ASAP1: variants seen among roughly 807,000 people sequenced by gnomAD.
ASAP1 encodes the protein ArfGAP with SH3 domain, ankyrin repeat and PH domain 1, also known as arf-GAP with SH3 domain, ANK repeat and PH domain-containing protein 1.
A neutral mutation model predicts 145.2 loss-of-function variants in ASAP1; 43 were observed. The observed-to-expected ratio is 0.30, with a 90% CI of 0.23 to 0.38. ASAP1 has a LOEUF of 0.38. Among genes scored for constraint, ASAP1 ranks in the 10% least tolerant of loss-of-function variants. The pLI is 1.00. For synonymous variants in ASAP1, 546 were observed against 515.5 expected (o/e 1.06, Z -0.80); for missense variants, 1,018 against 1,355.3 (o/e 0.75, Z 3.91).
intron 3 of ASAP1, among the ~76,000 whole-genome samples, chr8:130,244,793 G>C (rs192151529): frequency 6.6e-6 from 1 of 152,236 alleles, no homozygotes; most frequent in African/African-American, 2.4e-5. Flanking sequence ...TGCTGTCCTA[G>C]GTCATCTCCA....
chr8:130,393,807 G>A (rs1156437492), intron 2 of ASAP1, among the ~76,000 whole-genome samples: 1 of 152,158 alleles, frequency 6.6e-6, no homozygotes, highest in Non-Finnish European at 1.5e-5. Flanking sequence ...CGTGGCAGAA[G>A]AACATAAATT....
chr8:130,436,472 T>C (rs116741075), intron 1 of ASAP1, among the ~76,000 whole-genome samples: 4,444 of 152,252 alleles, frequency 0.029, 217 homozygotes, highest in African/African-American at 0.096. Flanking sequence ...ATTTTTGTTA[T>C]TTGTTTTTTG....
At chr8:130,106,120 T>C (rs2097536430) in intron 24 of ASAP1, among the ~76,000 whole-genome samples, 1 of 152,086 alleles carries the variant, frequency 6.6e-6, no homozygotes, top group Non-Finnish European at 1.5e-5. Context: ...ACTAGGTGAT[T>C]CACGTGCAAT....
chr8:130,298,918 C>T (rs1328289769), intron 3 of ASAP1, among the ~76,000 whole-genome samples: 1 of 152,132 alleles, frequency 6.6e-6, no homozygotes, highest in East Asian at 1.9e-4. Flanking sequence ...GGTATTAGGG[C>T]GGCAGAAAAC....
rs928846412 is a variant in ASAP1 at position 130,054,779 on chromosome 8, T to C, written c.3342A>G (p.Glu1114=). ...WWIGHIEGQP[E]RKGVFPVSFV... ...AGGACACTGGAAAGACCCCCTTCCT[T>C]TCAGGCTGTCCTTCGATGTGGCCAA... Residue 1114 remains glutamate (E), a synonymous_variant, in exon 30 of 30, where the codon GAA becomes GAG. Coordinates refer to ENST00000518721, the MANE Select transcript of ASAP1 (RefSeq NM_018482.4). 3.1e-6 allele frequency: 5 copies of C among 1,613,518 alleles called. No homozygotes were observed. The Admixed American group carries it at 5.0e-5, about 16-fold the overall frequency.
chr8:130,133,884 G>A (rs540852862), intron 15 of ASAP1, among the ~76,000 whole-genome samples: 1 of 152,252 alleles, frequency 6.6e-6, no homozygotes, highest in South Asian at 2.1e-4. Context: ...GATATGTTTG[G>A]CCACCAAAAA....
At chr8:130,110,030 C>T (rs949641889) in intron 24 of ASAP1, among the ~76,000 whole-genome samples, 2 of 152,178 alleles carry the variant, frequency 1.3e-5, no homozygotes, top group Admixed American at 6.5e-5. Flanking sequence ...AAGTCTCAAA[C>T]ACTTGTTTCA....
Position 130,358,318 on chromosome 8 carries a change from C to G in ASAP1, c.60-175G>C, listed in dbSNP as rs1442489810. On this transcript the variant is annotated intron_variant, in intron 2 of 29. Transcript: ENST00000518721. This position sits in a 1 kb window ranked among gnomAD's most constrained non-coding sequence, Gnocchi z 4.1. ...GGCGAGAGGGAGGGAAGGAGGCGGG[C>G]GAAGGCAGGCGGCGGCGGCGCTGGC... Among the ~76,000 whole-genome samples, 1 of 149,558 alleles carries G rather than the reference C, an allele frequency of 6.7e-6. No individual in the cohort carries two copies. The highest frequency in any genetic ancestry group is 2.0e-4 in the East Asian group (1 of 5,114).
At chr8:130,180,638 T>C in intron 8 of ASAP1, 113 bp downstream of exon 8, 3 of 1,274,400 alleles carry the variant, frequency 2.4e-6, no homozygotes, top group Non-Finnish European at 3.2e-6. Context: ...AAGAAACAGT[T>C]TCCTCTCTAA....
intron 3 of ASAP1, among the ~76,000 whole-genome samples, chr8:130,340,563 G>C (rs1158941048): frequency 1.3e-5 from 2 of 152,170 alleles, no homozygotes; most frequent in Non-Finnish European, 2.9e-5. Context: ...TAAAATGTGT[G>C]TGTATACTTA....
chr8:130,136,200 G>T (rs1231531822), intron 14 of ASAP1, among the ~76,000 whole-genome samples: 1 of 152,084 alleles, frequency 6.6e-6, no homozygotes, highest in Non-Finnish European at 1.5e-5. Context: ...ACACCCATAG[G>T]AATCAGTACA....
At chr8:130,429,180 T>G (rs1830053125) in intron 1 of ASAP1, among the ~76,000 whole-genome samples, 1 of 152,208 alleles carries the variant, frequency 6.6e-6, no homozygotes, top group Non-Finnish European at 1.5e-5. Context: ...CCTAATGACT[T>G]CATTTTAATT....
chr8:130,267,127 A>C (rs12155939), intron 3 of ASAP1, among the ~76,000 whole-genome samples: 3,256 of 151,042 alleles, frequency 0.022, 69 homozygotes, highest in Admixed American at 0.064. Flanking sequence ...AACAAACAAA[A>C]AAAAAACAAA....
intron 25 of ASAP1, 69 bp downstream of exon 25, chr8:130,091,904 C>T: frequency 7.0e-7 from 1 of 1,433,890 alleles, no homozygotes; most frequent in African/African-American, 1.5e-5. Context: ...GCTAACAGGC[C>T]ACTGCCCAGT....
chr8:130,137,139 C>A (rs2097596784), intron 13 of ASAP1, 101 bp from the exon 14 acceptor site: 2 of 916,400 alleles, frequency 2.2e-6, no homozygotes, highest in South Asian at 1.4e-5. Context: ...AAGGCCTGCT[C>A]AGTGGTACAA....
intron 25 of ASAP1, among the ~76,000 whole-genome samples, chr8:130,088,930 T>G (rs1317114631): frequency 6.6e-6 from 1 of 152,230 alleles, no homozygotes; most frequent in South Asian, 2.1e-4. Flanking sequence ...TCAAAGATAC[T>G]TGCTGAAAAT....
chr8:130,400,790 C>CA (rs112753204), intron 2 of ASAP1, among the ~76,000 whole-genome samples: 41,625 of 102,762 alleles, frequency 0.41, 7,096 homozygotes, highest in African/African-American at 0.52. Context: ...GACTCCGTCT[C>CA]AAAAAAAAAA....
chr8:130,319,734 C>A (rs1424873360), intron 3 of ASAP1, among the ~76,000 whole-genome samples: 1 of 152,102 alleles, frequency 6.6e-6, no homozygotes, highest in Non-Finnish European at 1.5e-5. Context: ...ATGGAAAAAC[C>A]AACATCAGTA....
intron 5 of ASAP1, among the ~76,000 whole-genome samples, chr8:130,209,058 C>A (rs1270419696): frequency 6.6e-6 from 1 of 152,152 alleles, no homozygotes; most frequent in Non-Finnish European, 1.5e-5. Flanking sequence ...TTTTATAATA[C>A]AAAGTCCCCT....
Sources: allele counts gnomAD v4.1 joint callset (sites outside exome capture counted in the v4.1 genomes callset), GRCh38; gene constraint gnomAD v4.1.1; non-coding constraint Gnocchi (gnomAD v3.1); transcripts MANE v1.5; gene names NCBI Gene and HGNC (gene_info 2026-07-23, HGNC 2026-07-21).